RFC3: variants seen among roughly 807,000 people sequenced by gnomAD.
RFC3 encodes A1 38 kDa subunit.
A neutral mutation model predicts 45.1 loss-of-function variants in RFC3; 41 were observed. The ratio of observed to expected loss-of-function variants is 0.91; its 90% CI spans 0.71 to 1.18. RFC3 has a LOEUF of 1.18. Among genes scored for constraint, RFC3 ranks in the 50% most tolerant of loss-of-function variants. The pLI, the probability that RFC3 is intolerant of heterozygous loss-of-function variation, is 0.00. For synonymous variants in RFC3, 149 were observed against 144.0 expected (o/e 1.03, Z -0.25); for missense variants, 423 against 428.1 (o/e 0.99, Z 0.10).
At chr13:33,864,787 T>C (rs1746312328) in intron 8 of RFC3, among the ~76,000 whole-genome samples, 1 of 151,864 alleles carries the variant, frequency 6.6e-6, no homozygotes, top group Non-Finnish European at 1.5e-5. Context: ...TGGAGTTATT[T>C]GATAGGGGAT....
chr13:33,962,416 C>G (rs1036442068), intron 8 of RFC3, among the ~76,000 whole-genome samples: 1 of 152,136 alleles, frequency 6.6e-6, no homozygotes, highest in Admixed American at 6.6e-5. Context: ...CCCCCAGCCC[C>G]ACACCCCAAG....
In RFC3 at chr13:33,862,077, G is replaced by A. The variant is rs577950517; in HGVS notation, c.879+26860G>A. On this transcript the variant is annotated intron_variant, in intron 8 of 8. Transcript: ENST00000434425. Reference sequence around the variant, plus strand: ...AGTATAGATTTATTTAGTTCTATACGTCTCACCTTTAGACATTTTAAGATG... The same window carrying A: ...AGTATAGATTTATTTAGTTCTATACATCTCACCTTTAGACATTTTAAGATG... Among the ~76,000 whole-genome samples the A allele has an allele frequency of 1.2e-3, 177 of 152,218 alleles. 1 individual carries two copies. The highest frequency in any genetic ancestry group is 1.2e-3 in the East Asian group (6 of 5,184).
In RFC3 at chr13:33,875,057, G is replaced by A. The variant is rs561661680; in HGVS notation, c.879+39840G>A. Among the ~76,000 whole-genome samples, 23 of 152,314 alleles carry A rather than the reference G, an allele frequency of 1.5e-4. No homozygotes were observed. In the South Asian group the frequency reaches 3.7e-3, roughly 25 times the overall value. Reference sequence around the variant, plus strand: ...GGCGTCTTCCAAAAGGCCACAAGATGGGGATGTTACTCCATACACTTAGAT... The same window carrying A: ...GGCGTCTTCCAAAAGGCCACAAGATAGGGATGTTACTCCATACACTTAGAT... On this transcript the variant is annotated intron_variant, in intron 8 of 8. Transcript: ENST00000434425.
intron 8 of RFC3, among the ~76,000 whole-genome samples, chr13:33,945,298 A>G (rs1336720736): frequency 1.3e-5 from 2 of 152,250 alleles, no homozygotes; most frequent in African/African-American, 4.8e-5. Flanking sequence ...TTCCATATTC[A>G]TATAGTACTT....
At chr13:33,910,635 A>G (rs1044951437) in intron 8 of RFC3, among the ~76,000 whole-genome samples, 1 of 152,156 alleles carries the variant, frequency 6.6e-6, no homozygotes, top group African/African-American at 2.4e-5. Flanking sequence ...AGGATATTTC[A>G]GGCAAAGAAG....
chr13:33,925,383 AC>A (rs2082801654), intron 8 of RFC3, among the ~76,000 whole-genome samples: 1 of 124,578 alleles, frequency 8.0e-6, no homozygotes, highest in African/African-American at 4.2e-5. Context: ...CATATAGTGT[AC>A]TATATACATA....
chr13:33,875,781 G>A (rs1284080568), intron 8 of RFC3, among the ~76,000 whole-genome samples: 1 of 151,978 alleles, frequency 6.6e-6, no homozygotes, highest in Non-Finnish European at 1.5e-5. Context: ...TATGTTCCCC[G>A]TCAATCACTC....
intron 8 of RFC3, among the ~76,000 whole-genome samples, chr13:33,911,552 A>C (rs116184598): frequency 0.012 from 1,886 of 152,228 alleles, 28 homozygotes; most frequent in African/African-American, 0.043. Context: ...CAGGCTGGAA[A>C]GTTCAAGAAG....
At chr13:33,952,177 A>AAT (rs1323078244) in intron 8 of RFC3, among the ~76,000 whole-genome samples, 2 of 152,246 alleles carry the variant, frequency 1.3e-5, no homozygotes, top group African/African-American at 4.8e-5. Context: ...GCAAGCAGTC[A>AAT]ATAGACTTGA....
At chr13:33,833,181 C>G (rs997515569) in intron 7 of RFC3, among the ~76,000 whole-genome samples, 1 of 152,154 alleles carries the variant, frequency 6.6e-6, no homozygotes, top group Non-Finnish European at 1.5e-5. Flanking sequence ...ATGATTACTT[C>G]TGATTTCTGA....
At chr13:33,894,371 G>A (rs2082583619) in intron 8 of RFC3, among the ~76,000 whole-genome samples, 11 of 152,226 alleles carry the variant, frequency 7.2e-5, no homozygotes, top group Admixed American at 7.2e-4. Context: ...TGGGAATGGA[G>A]GGAAGTCGTT....
At chr13:33,960,910 T>C (rs1422324347) in intron 8 of RFC3, among the ~76,000 whole-genome samples, 1 of 152,220 alleles carries the variant, frequency 6.6e-6, no homozygotes, top group Non-Finnish European at 1.5e-5. Flanking sequence ...CCTCTTGTTC[T>C]ATGGTCACTC....
chr13:33,943,619 G>A (rs559284635), intron 8 of RFC3, among the ~76,000 whole-genome samples: 4 of 152,154 alleles, frequency 2.6e-5, no homozygotes, highest in South Asian at 4.1e-4. Flanking sequence ...CAATTAATAC[G>A]TATCAGTCAA....
intron 8 of RFC3, among the ~76,000 whole-genome samples, chr13:33,931,811 C>CT (rs1267701337): frequency 6.6e-6 from 1 of 151,916 alleles, no homozygotes; most frequent in Non-Finnish European, 1.5e-5. Context: ...CCTACGTTTG[C>CT]TTTTTTTAAT....
intron 8 of RFC3, among the ~76,000 whole-genome samples, chr13:33,861,661 C>A (rs1320093850): frequency 4.1e-5 from 6 of 147,326 alleles, no homozygotes; most frequent in African/African-American, 5.0e-5. Context: ...AAAAAAAAAA[C>A]GGAAAAATGA....
At chr13:33,926,214 G>A (rs868564523) in intron 8 of RFC3, among the ~76,000 whole-genome samples, 5 of 126,922 alleles carry the variant, frequency 3.9e-5, no homozygotes, top group Non-Finnish European at 8.1e-5. Flanking sequence ...GTTGTGGGGT[G>A]GGGGGAGGGG....
intron 8 of RFC3, among the ~76,000 whole-genome samples, chr13:33,842,785 C>T (rs572234319): frequency 7.9e-5 from 12 of 152,270 alleles, no homozygotes; most frequent in African/African-American, 2.6e-4. Flanking sequence ...GGAGGGCAAG[C>T]CCATTAACAG....
chr13:33,869,852 G>C (rs916832251), intron 8 of RFC3, among the ~76,000 whole-genome samples: 1 of 152,124 alleles, frequency 6.6e-6, no homozygotes, highest in African/African-American at 2.4e-5. Flanking sequence ...TCACATCCTA[G>C]AAGGCCTCCA....
Position 33,818,881 on chromosome 13 carries a change from G to GTTTT in RFC3, c.87+639_87+642dup, listed in dbSNP as rs72236854. ...TTGTATTAGGACGTTCCTGAGATTAGTTTTTTTTTTTTTTTTTTTTTTTTT... is the reference window on the plus strand; with the variant it reads ...TTGTATTAGGACGTTCCTGAGATTAGTTTTTTTTTTTTTTTTTTTTTTTTTTTTT... On this transcript the variant is annotated intron_variant, in intron 1 of 8. Transcript: ENST00000380071. Among the ~76,000 whole-genome samples, 8 of 112,040 alleles carry GTTTT rather than the reference G, an allele frequency of 7.1e-5. 1 individual carries two copies. Among genetic ancestry groups the GTTTT allele is most frequent in the African/African-American group, 1.0e-4 (3 of 29,440 alleles). 73.5% of individuals were successfully genotyped at this position (112,040 alleles called of 152,430 possible).
Sources: allele counts gnomAD v4.1 joint callset (sites outside exome capture counted in the v4.1 genomes callset), GRCh38; gene constraint gnomAD v4.1.1; transcripts MANE v1.5; gene names NCBI Gene and HGNC (gene_info 2026-07-23, HGNC 2026-07-21).